The following HTN3 variants were observed in gnomAD, a reference collection of about 807,000 sequenced individuals.
HTN3 encodes the protein histatin 3, also known as histatin-3.
In HTN3, 15 loss-of-function variants were observed where a neutral mutation model predicts 10.6. That is an observed-to-expected ratio of 1.42 (90% CI 0.95 to 2.18). HTN3 has a LOEUF of 2.18. Among genes scored for constraint, HTN3 ranks in the 30% most tolerant of loss-of-function variants. HTN3 has a pLI of 0.00. For synonymous variants in HTN3, 15 were observed against 16.9 expected (o/e 0.89, Z 0.27); for missense variants, 68 against 58.0 (o/e 1.17, Z -0.56).
chr4:70,032,783 A>G (rs1413679576), intron 4 of HTN3, among the ~76,000 whole-genome samples: 3 of 152,052 alleles, frequency 2.0e-5, no homozygotes, highest in Admixed American at 1.3e-4. Context: ...AAAGAATAAG[A>G]TGAAGAAACA....
chr4:70,033,277 C>A, intron 5 of HTN3, 24 bp downstream of exon 5: 1 of 1,122,312 alleles, frequency 8.9e-7, no homozygotes, highest in Non-Finnish European at 1.3e-6. Flanking sequence ...AGTTACTTTT[C>A]TTTCTAGAAG....
At chr4:70,031,043 A>G (rs1259623692) in intron 2 of HTN3, 5 of 343,902 alleles carry the variant, frequency 1.5e-5, no homozygotes, top group Non-Finnish European at 2.6e-5. Context: ...AGCTTCATAA[A>G]TATGTGGGAC....
chr4:70,035,068 A>G (rs943720896), intron 5 of HTN3, among the ~76,000 whole-genome samples: 1 of 152,124 alleles, frequency 6.6e-6, no homozygotes, highest in African/African-American at 2.4e-5. Context: ...GGTAACATAG[A>G]GGGCTGATCA....
At chr4:70,030,248 C>A (rs1378003075) in intron 1 of HTN3, among the ~76,000 whole-genome samples, 1 of 152,066 alleles carries the variant, frequency 6.6e-6, no homozygotes, top group Admixed American at 6.6e-5. Flanking sequence ...CTTCTTACTC[C>A]CATTATCTTG....
chr4:70,033,547 T>C (rs757327113), intron 5 of HTN3: 2 of 205,138 alleles, frequency 9.7e-6, no homozygotes, highest in African/African-American at 2.3e-5. Flanking sequence ...AGTAGTGTGA[T>C]GCCTTCAGCT....
intron 5 of HTN3, among the ~76,000 whole-genome samples, chr4:70,033,731 C>G (rs561270078): frequency 1.3e-5 from 2 of 152,244 alleles, no homozygotes; most frequent in African/African-American, 4.8e-5. Flanking sequence ...ATTGATTCTT[C>G]TTATCCATGA....
At chr4:70,033,444 G>A (rs1252538007) in intron 5 of HTN3, 191 bp downstream of exon 5, 13 of 444,232 alleles carry the variant, frequency 2.9e-5, no homozygotes. Context: ...TATTTCTGAG[G>A]TCTCTGTTCT....
In HTN3 at chr4:70,030,798, A is replaced by G. The variant is rs779016110; in HGVS notation, c.51+7A>G. 8 of 1,606,842 alleles carry G rather than the reference A, an allele frequency of 5.0e-6. No homozygotes were observed. The highest frequency in any genetic ancestry group is 6.8e-6 in the Non-Finnish European group (8 of 1,173,776). On this transcript the variant is annotated splice_region_variant and intron_variant, in intron 2 of 5. Transcript: ENST00000673563. The stretch of plus-strand genomic sequence containing the variant: ...TCTCATGCTTTCCATGACTGTAAGT[A>G]TATCTGGAAGTTTTAAAGGATACAT...
chr4:70,034,176 G>A (rs912492352), intron 5 of HTN3: 1 of 152,114 alleles, frequency 6.6e-6, no homozygotes, highest in Non-Finnish European at 1.5e-5. Context: ...AATGCCAAAA[G>A]CAATGGCAAC....
intron 5 of HTN3, chr4:70,033,581 CT>C: frequency 5.8e-6 from 1 of 171,918 alleles, no homozygotes; most frequent in South Asian, 1.5e-4. Flanking sequence ...TTACAATTGT[CT>C]TGTGTATATG....
At chr4:70,028,745 T>A (rs1342363631) in intron 1 of HTN3, among the ~76,000 whole-genome samples, 6 of 152,106 alleles carry the variant, frequency 3.9e-5, no homozygotes, top group Non-Finnish European at 8.8e-5. Flanking sequence ...ATGTATTACA[T>A]CCTCGCTGAT....
rs372688049 is a variant in HTN3 at position 70,033,185 on chromosome 4, C to A, written c.121C>A (p.Arg41=). 2.5e-6 allele frequency: 4 copies of A among 1,606,102 alleles called. No homozygotes were observed. The highest frequency in any genetic ancestry group is 3.4e-6 in the Non-Finnish European group (4 of 1,174,466). Residue 41 remains arginine, a synonymous_variant, in exon 5 of 6, where the codon CGA becomes AGA. Transcript: ENST00000673563. The stretch of plus-strand genomic sequence containing the variant: ...TATGCAGGAAAAGCATCATTCACAT[C>A]GAGGCTATAGATCAAATTATCTGTA... The part of the protein sequence containing the change: ...RKFHEKHHSH[R]GYRSNYLYDN
intron 5 of HTN3, among the ~76,000 whole-genome samples, chr4:70,035,023 C>T (rs1339182138): frequency 1.3e-5 from 2 of 152,232 alleles, no homozygotes; most frequent in East Asian, 1.9e-4. Flanking sequence ...AGGGGAACAA[C>T]ACACACCAGG....
intron 5 of HTN3, among the ~76,000 whole-genome samples, chr4:70,034,657 T>G (rs1301074607): frequency 6.6e-6 from 1 of 152,184 alleles, no homozygotes; most frequent in Non-Finnish European, 1.5e-5. Flanking sequence ...CTCAAGGATC[T>G]AGAACCAGAA....
chr4:70,030,798 A>T lies in HTN3; in HGVS notation c.51+7A>T, dbSNP rs779016110. 1 of 1,606,962 alleles carries T rather than the reference A, an allele frequency of 6.2e-7. No individual in the cohort carries two copies. The highest frequency in any genetic ancestry group is 1.1e-5 in the South Asian group (1 of 90,944). The stretch of plus-strand genomic sequence containing the variant: ...TCTCATGCTTTCCATGACTGTAAGT[A>T]TATCTGGAAGTTTTAAAGGATACAT... On this transcript the variant is annotated splice_region_variant and intron_variant, in intron 2 of 5. Coordinates refer to ENST00000673563, the MANE Select transcript of HTN3 (RefSeq NM_000200.3).
At chr4:70,029,273 T>G (rs569371343) in intron 1 of HTN3, among the ~76,000 whole-genome samples, 1 of 152,096 alleles carries the variant, frequency 6.6e-6, no homozygotes, top group African/African-American at 2.4e-5. Context: ...TAAAATTGTC[T>G]TTTTATATCA....
Position 70,033,239 on chromosome 4 carries a change from G to C in HTN3, c.*19G>C, listed in dbSNP as rs1366089820. On this transcript the variant is annotated 3_prime_UTR_variant, in exon 5 of 6. Transcript: ENST00000673563. ...CAATTGATATCTTCAGTAATCACGG[G>C]GCATGATTATGGAGGTAAGCTGACT... The C allele has an allele frequency of 6.8e-7, 1 of 1,475,664 alleles. No homozygotes were observed. The highest frequency in any genetic ancestry group is 9.4e-7 in the Non-Finnish European group (1 of 1,062,076). The allele number at this position is 1,475,664 out of a possible 1,614,324, so 91.4% of individuals were successfully genotyped here.
At chr4:70,031,328 T>C (rs1725377359) in intron 2 of HTN3, 1 of 154,228 alleles carries the variant, frequency 6.5e-6, no homozygotes, top group Non-Finnish European at 1.4e-5. Flanking sequence ...TTTACTACTG[T>C]GTAATAGTAG....
intron 2 of HTN3, chr4:70,031,450 C>T (rs17147979): frequency 1.3e-5 from 2 of 153,494 alleles, no homozygotes; most frequent in Admixed American, 1.3e-4. Context: ...CAAAAGAATA[C>T]TAATACTTCA....
Sources: gnomAD v4.1 joint callset for allele counts (sites outside exome capture counted in the v4.1 genomes callset) on GRCh38, gnomAD v4.1.1 for gene constraint, MANE v1.5 for transcripts, NCBI Gene and HGNC (gene_info 2026-07-23, HGNC 2026-07-21) for gene names.